Variants in SLC16A14 observed in about 807,000 individuals in gnomAD.
SLC16A14 encodes the protein monocarboxylate transporter 14.
In SLC16A14, 14 loss-of-function variants were observed where a neutral mutation model predicts 35.8. The ratio of observed to expected loss-of-function variants is 0.39; its 90% CI spans 0.26 to 0.61. The LOEUF is 0.61. Ranked by LOEUF, SLC16A14 falls within the 20% of genes least tolerant of loss-of-function variation. The probability of loss-of-function intolerance (pLI) is 0.51; values close to 1 mark genes in which losing one functional copy is unlikely to be tolerated. For missense variants in SLC16A14, 533 were observed against 655.0 expected (o/e 0.81, Z 2.03); for synonymous variants, 248 against 258.9 (o/e 0.96, Z 0.40).
At chr2:230,045,567 A>G (rs1041484923) in intron 4 of SLC16A14, 178 bp downstream of exon 4, 1 of 758,370 alleles carries the variant, frequency 1.3e-6, no homozygotes, top group Non-Finnish European at 2.1e-6. Flanking sequence ...CTTGAAAAAA[A>G]AAAAGAAAGA....
chr2:230,055,216 T>C (rs1447510006), intron 2 of SLC16A14, among the ~76,000 whole-genome samples: 1 of 151,952 alleles, frequency 6.6e-6, no homozygotes, highest in East Asian at 1.9e-4. Context: ...TGTTGTAGGA[T>C]CAAATGAGAT....
chr2:230,050,729 C>A (rs1307959060), intron 2 of SLC16A14, among the ~76,000 whole-genome samples: 2 of 152,100 alleles, frequency 1.3e-5, no homozygotes, highest in Admixed American at 1.3e-4. Context: ...TCTATATAAC[C>A]ATATTTACCT....
intron 1 of SLC16A14, among the ~76,000 whole-genome samples, chr2:230,065,091 G>C (rs554349714): frequency 1.3e-5 from 2 of 152,316 alleles, no homozygotes; most frequent in East Asian, 3.9e-4. Context: ...CTAAATCAAT[G>C]ATAAGAACTT....
chr2:230,056,798 T>G (rs2077708645), intron 2 of SLC16A14, among the ~76,000 whole-genome samples: 1 of 148,390 alleles, frequency 6.7e-6, no homozygotes, highest in African/African-American at 2.5e-5. Context: ...TGAGCCCAGG[T>G]GTTCGAGGCT....
At chr2:230,049,948 GT>G (rs756261870) in intron 2 of SLC16A14, 44 bp from the exon 3 acceptor site, 1 of 1,588,928 alleles carries the variant, frequency 6.3e-7, no homozygotes, top group South Asian at 1.1e-5. Flanking sequence ...AGGTGCTTCC[GT>G]TTTATTCTTT....
rs545091383 is a variant in SLC16A14, at chr2:230,053,627, A to C, written c.260-3723T>G. ...GAAACCCCGTTTCTACTACAGCTAC[A>C]AAAATTAGCCAGGTGTGGTGGCAGA... On this transcript the variant is annotated intron_variant, in intron 2 of 4. Coordinates refer to ENST00000295190, the MANE Select transcript of SLC16A14 (RefSeq NM_152527.5). Among the ~76,000 whole-genome samples, 19 of 152,192 alleles carry C rather than the reference A, an allele frequency of 1.2e-4. No homozygotes were observed. The South Asian group carries it at 3.9e-3, about 32-fold the overall frequency.
At position 230,036,335 on chromosome 2, in the gene SLC16A14, G is replaced by GA. The variant is rs2077519651; in HGVS notation, c.*1044dup. 6.6e-6 allele frequency: 1 copy of GA among 152,152 alleles called. No individual in the cohort carries two copies. Among genetic ancestry groups the GA allele is most frequent in the South Asian group, 2.1e-4 (1 of 4,826 alleles). The allele number at this position is 152,152 out of a possible 1,614,324, so 9.4% of individuals were successfully genotyped here. On this transcript the variant is annotated 3_prime_UTR_variant, in exon 5 of 5. Coordinates refer to ENST00000295190, the MANE Select transcript of SLC16A14 (RefSeq NM_152527.5). Reference sequence around the variant, plus strand: ...AAATGAATGGTCTATATAACAACACGAGAGTCTAGAGATGGGCTATTTGTT... The same window carrying GA: ...AAATGAATGGTCTATATAACAACACGAAGAGTCTAGAGATGGGCTATTTGTT...
Position 230,045,881 on chromosome 2 carries a change from T to C in SLC16A14, c.1245A>G (p.Ile415Met). The part of the protein sequence containing the change: ...YAGLAVICAL[I>M]GFSSGYFSLM... ...GGGAGAAATAACCACTGGAAAACCC[T>C]ATCAGCGCACAGATGACCGCCAGGC... The change falls in exon 4 of 5, where the codon ATA becomes ATG. Residue 415 changes from isoleucine to methionine, a missense_variant. Physicochemically the swap from Ile to Met is conservative, Grantham distance 10. Coordinates refer to ENST00000295190, the MANE Select transcript of SLC16A14 (RefSeq NM_152527.5). 1 of 1,613,716 alleles carries C rather than the reference T, an allele frequency of 6.2e-7. No individual in the cohort carries two copies. Among genetic ancestry groups the C allele is most frequent in the East Asian group, 2.2e-5 (1 of 44,858 alleles).
intron 1 of SLC16A14, 29 bp from the exon 2 acceptor site, chr2:230,059,395 G>A: frequency 6.7e-7 from 1 of 1,492,654 alleles, no homozygotes; most frequent in Non-Finnish European, 9.0e-7. Context: ...ATAATTTCAT[G>A]GAACATCAAA....
At chr2:230,048,923 CAAAAAAA>C in intron 3 of SLC16A14, among the ~76,000 whole-genome samples, 1 of 15,246 alleles carries the variant, frequency 6.6e-5, no homozygotes, top group East Asian at 3.4e-3. Flanking sequence ...AACTCCATCT[CAAAAAAA>C]AAAAAAAAAA....
rs1560469071 is a variant in SLC16A14, at chr2:230,038,640, C to T, written c.1382-1109G>A. On this transcript the variant is annotated intron_variant, in intron 4 of 4. Coordinates refer to ENST00000295190, the MANE Select transcript of SLC16A14 (RefSeq NM_152527.5). The surrounding 1 kb of genome is among the most constrained non-coding windows in gnomAD (Gnocchi z 4.4). Reference sequence around the variant, plus strand: ...GATTTAGTGGCCAGGATCAGTGGCTCACACCTGTAATCCCAGCACTTTGGG... The same window carrying T: ...GATTTAGTGGCCAGGATCAGTGGCTTACACCTGTAATCCCAGCACTTTGGG... Among the ~76,000 whole-genome samples, 1 of 152,248 alleles carries T rather than the reference C, an allele frequency of 6.6e-6. No homozygotes were observed. Among genetic ancestry groups the T allele is most frequent in the African/African-American group, 2.4e-5 (1 of 41,552 alleles).
Position 230,038,218 on chromosome 2 carries a change from T to C in SLC16A14, c.1382-687A>G, listed in dbSNP as rs934976775. 6.6e-6 allele frequency among the ~76,000 whole-genome samples: 1 copy of C among 152,224 alleles called. No individual in the cohort carries two copies. Among genetic ancestry groups the C allele is most frequent in the Non-Finnish European group, 1.5e-5 (1 of 68,038 alleles). On this transcript the variant is annotated intron_variant, in intron 4 of 4. Coordinates refer to ENST00000295190, the MANE Select transcript of SLC16A14 (RefSeq NM_152527.5). The surrounding 1 kb of genome is among the most constrained non-coding windows in gnomAD (Gnocchi z 4.4). ...TTAATATTATAATCTAACAGCTTAA[T>C]ATAATAATCTTATTAGACATTCTGT...
At chr2:230,060,752 G>GGA (rs368578384) in intron 1 of SLC16A14, among the ~76,000 whole-genome samples, 2 of 151,610 alleles carry the variant, frequency 1.3e-5, no homozygotes, top group African/African-American at 2.4e-5. Context: ...AGTCGGGGGT[G>GGA]GAGAGAGAGA....
rs61292690 is a variant in SLC16A14, at chr2:230,058,638, A to AT, written c.259+455dup. On this transcript the variant is annotated intron_variant, in intron 2 of 4. Transcript: ENST00000295190. ...TCAAAATGCTTAAAATGGTAAAATT[A>AT]TTTTTTTTTTTTGAAAGGGAGTCTC... Among the ~76,000 whole-genome samples, 764 of 148,182 alleles carry AT rather than the reference A, an allele frequency of 5.2e-3. 3 individuals carry two copies. The highest frequency in any genetic ancestry group is 0.017 in the African/African-American group (696 of 40,478).
chr2:230,044,065 T>C (rs2077580970), intron 4 of SLC16A14, among the ~76,000 whole-genome samples: 1 of 152,164 alleles, frequency 6.6e-6, no homozygotes, highest in Non-Finnish European at 1.5e-5. Context: ...CCAGTGAATA[T>C]GTGACCTAAT....
At chr2:230,043,137 C>T (rs574177891) in intron 4 of SLC16A14, among the ~76,000 whole-genome samples, 4 of 152,242 alleles carry the variant, frequency 2.6e-5, no homozygotes, top group African/African-American at 9.6e-5. Context: ...TAGTTTGCTC[C>T]GTTGCTATAG....
chr2:230,054,095 A>G lies in SLC16A14; in HGVS notation c.260-4191T>C, dbSNP rs941528057. ...CAGGTGCAGCCTGAGGTGGGGGGGG[A>G]AGTTAAAGCTCCCCAGGTGGATCTG... On this transcript the variant is annotated intron_variant, in intron 2 of 4. Transcript: ENST00000295190. Among the ~76,000 whole-genome samples the G allele has an allele frequency of 1.0e-3, 145 of 141,518 alleles. 1 individual carries two copies. The highest frequency in any genetic ancestry group is 1.5e-3 in the Non-Finnish European group (94 of 64,396). The allele number at this position is 141,518 out of a possible 152,430, so 92.8% of individuals were successfully genotyped here.
chr2:230,064,128 A>G (rs2077772603), intron 1 of SLC16A14, among the ~76,000 whole-genome samples: 1 of 152,026 alleles, frequency 6.6e-6, no homozygotes, highest in Non-Finnish European at 1.5e-5. Context: ...CAATAGATAT[A>G]TATTACCTGT....
chr2:230,055,749 T>C (rs2077698773), intron 2 of SLC16A14, among the ~76,000 whole-genome samples: 1 of 152,258 alleles, frequency 6.6e-6, no homozygotes, highest in African/African-American at 2.4e-5. Flanking sequence ...TTGGAAAATA[T>C]TGGGACATTT....
Sources: allele counts gnomAD v4.1 joint callset (sites outside exome capture counted in the v4.1 genomes callset), GRCh38; gene constraint gnomAD v4.1.1; non-coding constraint Gnocchi (gnomAD v3.1); transcripts MANE v1.5; gene names NCBI Gene and HGNC (gene_info 2026-07-23, HGNC 2026-07-21).